JMJD1C: variants seen among roughly 807,000 people sequenced by gnomAD.
JMJD1C encodes jumonji domain containing 1C, also known as jumonji domain-containing protein 1C.
In JMJD1C, 31 loss-of-function variants were observed where a neutral mutation model predicts 245.3. The observed-to-expected ratio is 0.13, with a 90% CI of 0.09 to 0.17. JMJD1C has a LOEUF of 0.17. Ranked by LOEUF, JMJD1C falls within the 10% of genes least tolerant of loss-of-function variation. The pLI is 1.00. For synonymous variants in JMJD1C, 1,057 were observed against 1,017.4 expected, an observed-to-expected ratio of 1.04 and a Z score of -0.74; for missense variants, 2,691 against 3,000.2, an observed-to-expected ratio of 0.90 and a Z score of 2.41.
At chr10:63,339,991 C>T (rs1312740152) in intron 2 of JMJD1C, among the ~76,000 whole-genome samples, 3 of 152,166 alleles carry the variant, frequency 2.0e-5, no homozygotes, top group South Asian at 4.2e-4. Context: ...ACCCAGGAGG[C>T]GGAGGTTGCA....
chr10:63,384,726 G>C (rs1947459221), intron 1 of JMJD1C, among the ~76,000 whole-genome samples: 1 of 152,178 alleles, frequency 6.6e-6, no homozygotes, highest in Non-Finnish European at 1.5e-5. Context: ...AATGAGCAAT[G>C]ACTTCAACAA....
intron 2 of JMJD1C, among the ~76,000 whole-genome samples, chr10:63,341,340 T>C (rs1393733967): frequency 2.0e-5 from 3 of 152,220 alleles, no homozygotes; most frequent in Non-Finnish European, 4.4e-5. Context: ...ATAATACTGA[T>C]GAAACATCAA....
At chr10:63,510,454 C>A (rs1250104076) in intron 1 of JMJD1C, among the ~76,000 whole-genome samples, 2 of 152,138 alleles carry the variant, frequency 1.3e-5, no homozygotes, top group Admixed American at 1.3e-4. Flanking sequence ...GAGATTCCTT[C>A]TTTGAACTAT....
At chr10:63,338,310 A>G (rs1032328822) in intron 2 of JMJD1C, among the ~76,000 whole-genome samples, 3 of 151,716 alleles carry the variant, frequency 2.0e-5, no homozygotes, top group Non-Finnish European at 2.9e-5. Flanking sequence ...TATTTAAAAA[A>G]TTCTTATAAG....
intron 3 of JMJD1C, among the ~76,000 whole-genome samples, chr10:63,253,080 G>A (rs1853329057): frequency 6.6e-6 from 1 of 152,136 alleles, no homozygotes; most frequent in African/African-American, 2.4e-5. Context: ...CACCAAAACA[G>A]AATAGTACAC....
intron 10 of JMJD1C, chr10:63,203,740 T>C (rs756319952): frequency 2.8e-5 from 27 of 977,766 alleles, no homozygotes; most frequent in Non-Finnish European, 3.0e-5. Flanking sequence ...ATCTATTATA[T>C]CTAGCTTTAA....
upstream of JMJD1C, chr10:63,466,646 G>T (rs1008719410): frequency 1.3e-5 from 2 of 152,202 alleles, no homozygotes; most frequent in South Asian, 4.1e-4. Context: ...AACCGTGTCT[G>T]CGACAGTCTT....
intron 1 of JMJD1C, among the ~76,000 whole-genome samples, chr10:63,472,084 A>T (rs2133153728): frequency 6.6e-6 from 1 of 152,238 alleles, no homozygotes; most frequent in Non-Finnish European, 1.5e-5. Flanking sequence ...AACTAACTTG[A>T]AATGGAAGAA....
At chr10:63,319,057 G>A (rs1171364886) in intron 2 of JMJD1C, among the ~76,000 whole-genome samples, 10 of 151,014 alleles carry the variant, frequency 6.6e-5, no homozygotes, top group East Asian at 2.0e-4. Flanking sequence ...CCAGGAGATC[G>A]ACACCATCCT....
chr10:63,278,905 T>TTA (rs1436366057), intron 2 of JMJD1C, among the ~76,000 whole-genome samples: 1 of 151,988 alleles, frequency 6.6e-6, no homozygotes, highest in East Asian at 1.9e-4. Flanking sequence ...ATTTCTGGTC[T>TTA]TATATACTCA....
rs557944159 is a variant in JMJD1C at position 63,314,135 on chromosome 10, T to C, written c.334-49371A>G. ...GAGGATCCAGTTTCATTCTTCTACA[T>C]GTGACTTGCCAATTCTCCCAGCACT... On this transcript the variant is annotated intron_variant, in intron 2 of 25. Coordinates refer to ENST00000399262, the MANE Select transcript of JMJD1C (RefSeq NM_032776.3). 1.3e-4 allele frequency among the ~76,000 whole-genome samples: 20 copies of C among 152,362 alleles called. No individual in the cohort carries two copies. In the South Asian group the frequency reaches 3.1e-3, roughly 24 times the overall value.
intron 2 of JMJD1C, among the ~76,000 whole-genome samples, chr10:63,363,298 G>T (rs763834935): frequency 1.5e-5 from 2 of 130,192 alleles, no homozygotes; most frequent in South Asian, 4.7e-4. Context: ...TCGCTCTGTC[G>T]TCCAGGCTGG....
At chr10:63,370,035 T>A (rs1013669451) in intron 2 of JMJD1C, among the ~76,000 whole-genome samples, 7 of 152,166 alleles carry the variant, frequency 4.6e-5, no homozygotes, top group Non-Finnish European at 8.8e-5. Flanking sequence ...CCAGTAAAAC[T>A]GGAAAATCAA....
At chr10:63,386,893 G>A (rs755087706) in intron 1 of JMJD1C, among the ~76,000 whole-genome samples, 2 of 152,130 alleles carry the variant, frequency 1.3e-5, no homozygotes, top group Non-Finnish European at 2.9e-5. Context: ...TAACTCTGGT[G>A]GCAGCATACG....
chr10:63,291,310 GAAAAA>G (rs59082600), intron 2 of JMJD1C, among the ~76,000 whole-genome samples: 9 of 69,122 alleles, frequency 1.3e-4, no homozygotes, highest in African/African-American at 3.3e-4. Context: ...GTCTGTCTCA[GAAAAA>G]AAAAAAAAAA....
At chr10:63,490,418 T>C (rs1003864016) in intron 1 of JMJD1C, among the ~76,000 whole-genome samples, 1 of 45,710 alleles carries the variant, frequency 2.2e-5, no homozygotes, top group East Asian at 4.4e-4. Flanking sequence ...TATTTATTTA[T>C]TTTATTTTTT....
intron 2 of JMJD1C, among the ~76,000 whole-genome samples, chr10:63,317,501 T>C (rs1940237065): frequency 6.6e-6 from 1 of 152,128 alleles, no homozygotes; most frequent in Admixed American, 6.6e-5. Flanking sequence ...ATGTCTCTAC[T>C]GATTAATCAA....
chr10:63,379,110 T>C (rs926588196), intron 2 of JMJD1C, among the ~76,000 whole-genome samples: 2 of 152,144 alleles, frequency 1.3e-5, no homozygotes, highest in African/African-American at 4.8e-5. Context: ...TAAATTTCTA[T>C]TCTATACAGA....
intron 2 of JMJD1C, among the ~76,000 whole-genome samples, chr10:63,348,397 A>C (rs1415789179): frequency 6.6e-6 from 1 of 152,024 alleles, no homozygotes; most frequent in Non-Finnish European, 1.5e-5. Flanking sequence ...TTACACCATG[A>C]CTAACAAGAA....
Sources: allele counts gnomAD v4.1 joint callset (sites outside exome capture counted in the v4.1 genomes callset), GRCh38; gene constraint gnomAD v4.1.1; transcripts MANE v1.5; gene names NCBI Gene and HGNC (gene_info 2026-07-23, HGNC 2026-07-21).